Variants in ADAMTS19 observed in about 807,000 individuals in gnomAD.
The protein encoded by ADAMTS19 is ADAM metallopeptidase with thrombospondin type 1 motif 19.
Under a neutral mutation model 153.3 loss-of-function variants are expected in ADAMTS19, and 93 were observed. The ratio of observed to expected loss-of-function variants is 0.61; its 90% CI spans 0.51 to 0.72. The LOEUF is 0.72. ADAMTS19 is among the 30% of genes least tolerant of loss of function. ADAMTS19 has a pLI of 0.00. For missense variants in ADAMTS19, 1,482 were observed against 1,552.1 expected (o/e 0.95, Z 0.76); for synonymous variants, 600 against 556.6 (o/e 1.08, Z -1.10).
intron 2 of ADAMTS19, among the ~76,000 whole-genome samples, chr5:129,488,661 C>A (rs566125275): frequency 1.3e-5 from 2 of 151,986 alleles, no homozygotes; most frequent in South Asian, 4.2e-4. Flanking sequence ...TTCTTGAGTG[C>A]CCATTATGAA....
chr5:129,643,256 GA>G (rs1202719394), intron 11 of ADAMTS19, among the ~76,000 whole-genome samples: 12 of 150,500 alleles, frequency 8.0e-5, no homozygotes, highest in African/African-American at 2.4e-4. Flanking sequence ...CAGCTACCCA[GA>G]AGGCTGAGGT....
At chr5:129,622,567 TA>T (rs1252041554) in intron 10 of ADAMTS19, among the ~76,000 whole-genome samples, 1 of 152,236 alleles carries the variant, frequency 6.6e-6, no homozygotes, top group Non-Finnish European at 1.5e-5. Flanking sequence ...AAAGACCTAA[TA>T]ATTTCTACTT....
intron 8 of ADAMTS19, among the ~76,000 whole-genome samples, chr5:129,619,209 G>A (rs1402183698): frequency 6.6e-6 from 1 of 152,004 alleles, no homozygotes; most frequent in African/African-American, 2.4e-5. Context: ...GGAATTTATA[G>A]ACGCCCAATG....
At chr5:129,551,320 T>C (rs1025638086) in intron 6 of ADAMTS19, among the ~76,000 whole-genome samples, 6 of 151,590 alleles carry the variant, frequency 4.0e-5, no homozygotes, top group Admixed American at 4.0e-4. Context: ...AGATAAAGAG[T>C]AAAAATTATA....
chr5:129,724,339 C>G (rs1681128621), intron 21 of ADAMTS19, among the ~76,000 whole-genome samples: 1 of 152,144 alleles, frequency 6.6e-6, no homozygotes, highest in Admixed American at 6.5e-5. Context: ...CTTAAGGTCT[C>G]TTTTTTAACG....
intron 18 of ADAMTS19, among the ~76,000 whole-genome samples, chr5:129,693,492 T>C (rs1276806427): frequency 6.6e-6 from 1 of 152,198 alleles, no homozygotes; most frequent in Non-Finnish European, 1.5e-5. Context: ...TACTTCTTCA[T>C]GATCAATCTG....
intron 18 of ADAMTS19, among the ~76,000 whole-genome samples, chr5:129,686,170 A>G (rs943450345): frequency 1.3e-5 from 2 of 152,182 alleles, no homozygotes; most frequent in Non-Finnish European, 2.9e-5. Context: ...AGCAATGTAC[A>G]GCATGCGAGT....
At chr5:129,684,091 T>A in intron 17 of ADAMTS19, 29 bp from the exon 18 acceptor site, 1 of 1,598,920 alleles carries the variant, frequency 6.3e-7, no homozygotes, top group South Asian at 1.1e-5. Flanking sequence ...GTTTGACCCA[T>A]CTGCCTTGAT....
At chr5:129,666,711 C>G (rs1754068496) in intron 16 of ADAMTS19, among the ~76,000 whole-genome samples, 1 of 152,138 alleles carries the variant, frequency 6.6e-6, no homozygotes, top group South Asian at 2.1e-4. Flanking sequence ...ATTTTACTTA[C>G]TATGGTACAA....
intron 2 of ADAMTS19, among the ~76,000 whole-genome samples, chr5:129,486,803 G>A (rs1750610068): frequency 6.6e-6 from 1 of 152,016 alleles, no homozygotes; most frequent in African/African-American, 2.4e-5. Flanking sequence ...GAAGCAGGAG[G>A]ATAAGAAAAG....
chr5:129,602,738 T>A (rs529671397), intron 8 of ADAMTS19, among the ~76,000 whole-genome samples: 7 of 152,266 alleles, frequency 4.6e-5, no homozygotes, highest in African/African-American at 1.7e-4. Context: ...CATACTTTCA[T>A]AATTTCTTCC....
At chr5:129,664,481 G>C (rs953083906) in intron 15 of ADAMTS19, among the ~76,000 whole-genome samples, 1 of 152,154 alleles carries the variant, frequency 6.6e-6, no homozygotes, top group Non-Finnish European at 1.5e-5. Context: ...TAAATAAACA[G>C]TGTTCTTGAA....
intron 2 of ADAMTS19, among the ~76,000 whole-genome samples, chr5:129,487,508 ATAT>A (rs1420314601): frequency 1.3e-5 from 2 of 152,104 alleles, no homozygotes; most frequent in African/African-American, 4.8e-5. Flanking sequence ...TTTTATAATA[ATAT>A]TAGGGAAATC....
At position 129,527,783 on chromosome 5, in the gene ADAMTS19, GC is replaced by G; in HGVS notation, c.1123del (p.Gln375ArgfsTer6). 6.3e-7 allele frequency: 1 copy of G among 1,598,986 alleles called. No homozygotes were observed. The highest frequency in any genetic ancestry group is 8.6e-7 in the Non-Finnish European group (1 of 1,169,388). On this transcript the variant is annotated frameshift_variant, in exon 5 of 23. Transcript: ENST00000274487. LOFTEE classifies it high-confidence loss of function. ...TTTTCCAACACAAGAGTCTGAGTGT[GC>G]AGGTCAATCTTCGTGTGATAAAGCT... ...NLFQHKSLSV[Q>X]VNLRVIKLIL...
intron 7 of ADAMTS19, among the ~76,000 whole-genome samples, chr5:129,595,102 T>C (rs1236322411): frequency 6.6e-6 from 1 of 152,202 alleles, no homozygotes; most frequent in Non-Finnish European, 1.5e-5. Flanking sequence ...AAAAATAATA[T>C]GTTCATTCTA....
chr5:129,538,322 A>G lies in ADAMTS19; in HGVS notation c.1328+9645A>G, dbSNP rs368451742. On this transcript the variant is annotated intron_variant, in intron 6 of 22. Coordinates refer to ENST00000274487, the MANE Select transcript of ADAMTS19 (RefSeq NM_133638.6). ...CTTATGTATGCATATAATTAAATAC[A>G]TGGAGTTACATTATTGGGATCATAG... 1.6e-3 allele frequency among the ~76,000 whole-genome samples: 238 copies of G among 152,256 alleles called. 3 individuals are homozygous for G. The highest frequency in any genetic ancestry group is 8.9e-3 in the South Asian group (43 of 4,824).
chr5:129,581,474 A>G (rs1054479782), intron 7 of ADAMTS19, among the ~76,000 whole-genome samples: 2 of 149,348 alleles, frequency 1.3e-5, no homozygotes, highest in Non-Finnish European at 3.0e-5. Context: ...TATTGTGTCT[A>G]TTTGATTCTT....
At chr5:129,623,922 C>T (rs951020726) in intron 10 of ADAMTS19, among the ~76,000 whole-genome samples, 1 of 151,304 alleles carries the variant, frequency 6.6e-6, no homozygotes, top group Admixed American at 6.6e-5. Flanking sequence ...AGATCGAGAC[C>T]ATCCTGGCTA....
intron 21 of ADAMTS19, among the ~76,000 whole-genome samples, chr5:129,706,136 C>T (rs1179171056): frequency 6.6e-6 from 1 of 152,100 alleles, no homozygotes; most frequent in Non-Finnish European, 1.5e-5. Context: ...GCTCCCTTTC[C>T]ATTGTAGGAA....
Sources: allele counts gnomAD v4.1 joint callset (sites outside exome capture counted in the v4.1 genomes callset), GRCh38; gene constraint gnomAD v4.1.1; transcripts MANE v1.5; gene names NCBI Gene and HGNC (gene_info 2026-07-23, HGNC 2026-07-21).